PINK1: variants seen among roughly 807,000 people sequenced by gnomAD.
The protein encoded by PINK1 is serine/threonine-protein kinase PINK1, mitochondrial.
Under a neutral mutation model 56.0 loss-of-function variants are expected in PINK1, and 58 were observed. The observed-to-expected ratio is 1.04, with a 90% CI of 0.84 to 1.29. PINK1 has a LOEUF of 1.29. PINK1 is among the 50% of genes most tolerant of loss of function. The pLI is 0.00. For missense variants in PINK1, 745 were observed against 777.9 expected (o/e 0.96, Z 0.50); for synonymous variants, 354 against 339.3 (o/e 1.04, Z -0.48).
At chr1:20,644,839 T>G (rs2154533841) in intron 4 of PINK1, among the ~76,000 whole-genome samples, 167 bp downstream of exon 4, 1 of 152,374 alleles carries the variant, frequency 6.6e-6, no homozygotes, top group Non-Finnish European at 1.5e-5. Context: ...GAGAGCATTT[T>G]CCCTGTAGGA....
rs2053115069 is a variant in PINK1, at chr1:20,641,459, C to G, written c.776+1467C>G. Among the ~76,000 whole-genome samples the G allele has an allele frequency of 6.6e-6, 1 of 152,172 alleles. No individual in the cohort carries two copies. The highest frequency in any genetic ancestry group is 2.4e-5 in the African/African-American group (1 of 41,446). On this transcript the variant is annotated intron_variant, in intron 3 of 7. Coordinates refer to ENST00000321556, the MANE Select transcript of PINK1 (RefSeq NM_032409.3). The surrounding 1 kb of genome is among the most constrained non-coding windows in gnomAD (Gnocchi z 4.0). Reference sequence around the variant, plus strand: ...CTCTTCAGGGACTTTGTTCCTTTAGCAGTTCTCACTGTCTGGCCTCAAATA... The same window carrying G: ...CTCTTCAGGGACTTTGTTCCTTTAGGAGTTCTCACTGTCTGGCCTCAAATA...
chr1:20,645,243 C>G (rs1570404467), intron 4 of PINK1, among the ~76,000 whole-genome samples: 1 of 152,258 alleles, frequency 6.6e-6, no homozygotes, highest in Non-Finnish European at 1.5e-5. Flanking sequence ...AATCCCAGCA[C>G]TTTGGAAGGC....
chr1:20,645,517 C>T (rs900692291), intron 4 of PINK1, 43 bp from the exon 5 acceptor site: 51 of 1,569,570 alleles, frequency 3.2e-5, no homozygotes, highest in Non-Finnish European at 4.1e-5. Flanking sequence ...TATTGGGAGT[C>T]GTCGATGTGT....
intron 5 of PINK1, among the ~76,000 whole-genome samples, chr1:20,647,978 G>GT (rs989543924): frequency 6.6e-6 from 1 of 151,566 alleles, no homozygotes; most frequent in African/African-American, 2.4e-5. Context: ...TGCCTGGCTA[G>GT]TTTTTTTGTA....
chr1:20,635,190 CAATT>C (rs2053043679), intron 1 of PINK1, among the ~76,000 whole-genome samples: 1 of 152,178 alleles, frequency 6.6e-6, no homozygotes, highest in Non-Finnish European at 1.5e-5. Context: ...TATTAGTTAT[CAATT>C]AATTTCACAT....
rs747512076 is a variant in PINK1 at position 20,648,677 on chromosome 1, CAT to C, written c.1251+46_1251+47del. 5 of 1,609,164 alleles carry C rather than the reference CAT, an allele frequency of 3.1e-6. No homozygotes were observed. In the African/African-American group the frequency reaches 4.0e-5, roughly 13 times the overall value. On this transcript the variant is annotated intron_variant, in intron 6 of 7. Coordinates refer to ENST00000321556, the MANE Select transcript of PINK1 (RefSeq NM_032409.3). ...TGCGCCATCGGCAGCCCTTCCCCCA[CAT>C]GTCCACTGAATGCAGGAGACTCGAT...
chr1:20,650,533 T>C lies in PINK1; in HGVS notation c.1588T>C (p.Trp530Arg), dbSNP rs1169627314. Residue 530 changes from tryptophan to arginine, a missense_variant, in exon 8 of 8, where the codon TGG becomes CGG. By Grantham distance (101) the Trp-to-Arg change is moderately radical. Transcript: ENST00000321556. ...KNLKLDKMVGWLLQQSAATLL... is the reference protein window; with the variant it reads ...KNLKLDKMVGRLLQQSAATLL... ...TCTGAAGTTAGACAAGATGGTTGGC[T>C]GGCTCCTCCAACAATCGGCCGCCAC... 1 of 1,614,232 alleles carries C rather than the reference T, an allele frequency of 6.2e-7. No individual in the cohort carries two copies. The highest frequency in any genetic ancestry group is 1.7e-5 in the Admixed American group (1 of 60,024).
rs377527008 is a variant in PINK1, at chr1:20,649,246, G to A, written c.1488+15G>A. The A allele has an allele frequency of 4.3e-5, 69 of 1,611,380 alleles. No homozygotes were observed. Among genetic ancestry groups the A allele is most frequent in the Admixed American group, 1.5e-4 (9 of 60,002 alleles). ...AGGCCAGCAAGGTGAGGCTGTCCCC[G>A]GCTTCGAGGGGACGGTGTGGGTAGA... On this transcript the variant is annotated intron_variant, in intron 7 of 7. Coordinates refer to ENST00000321556, the MANE Select transcript of PINK1 (RefSeq NM_032409.3).
intron 5 of PINK1, chr1:20,648,287 G>T: frequency 1.6e-6 from 1 of 618,974 alleles, no homozygotes; most frequent in Non-Finnish European, 2.9e-6. Context: ...ACAGTCCTTT[G>T]CCTGGGGATT....
In PINK1 at chr1:20,650,709, G is replaced by A. The variant is rs369117599; in HGVS notation, c.*18G>A. ...CCCTGTGATGTCCCTGCATGGAGCT[G>A]GTGAATTACTAAAAGAACATGGCAT... On this transcript the variant is annotated 3_prime_UTR_variant, in exon 8 of 8. Transcript: ENST00000321556. The A allele has an allele frequency of 1.4e-4, 222 of 1,611,318 alleles. No individual in the cohort carries two copies. The highest frequency in any genetic ancestry group is 1.8e-4 in the Non-Finnish European group (208 of 1,179,782).
At chr1:20,646,875 C>CTTACTTAT (rs1553146669) in intron 5 of PINK1, among the ~76,000 whole-genome samples, 4 of 140,168 alleles carry the variant, frequency 2.9e-5, no homozygotes, top group East Asian at 2.0e-4. Flanking sequence ...TATTTATTTA[C>CTTACTTAT]TTATTTATTT....
Position 20,633,592 on chromosome 1 carries a change from G to A in PINK1, c.44G>A (p.Arg15Gln). 8.0e-7 allele frequency: 1 copy of A among 1,245,020 alleles called. No individual in the cohort carries two copies. The highest frequency in any genetic ancestry group is 1.0e-6 in the Non-Finnish European group (1 of 997,588). 77.1% of individuals were successfully genotyped at this position (1,245,020 alleles called of 1,614,324 possible). ...CTGGGCCGCGGCCTGCAGCTGGGTC[G>A]AGCGCTGCTGCTGCGCTTCACGGGC... is the stretch of plus-strand genomic sequence containing the variant. ...QALGRGLQLG[R>Q]ALLLRFTGKP... Residue 15 changes from arginine to glutamine, a missense_variant, in exon 1 of 8, where the codon CGA (arginine) becomes CAA (glutamine). Arg to Gln is a conservative substitution (Grantham distance 43, BLOSUM62 1). Coordinates refer to ENST00000321556, the MANE Select transcript of PINK1 (RefSeq NM_032409.3).
chr1:20,650,291 T>G (rs972469761), intron 7 of PINK1, 143 bp from the exon 8 acceptor site: 13 of 1,124,992 alleles, frequency 1.2e-5, no homozygotes, highest in Non-Finnish European at 1.6e-5. Flanking sequence ...ATTTGTCACC[T>G]GAGTGAAGGG....
rs114112086 is a variant in PINK1, at chr1:20,651,040, G to C, written c.*349G>C. 5.4e-3 allele frequency: 1,995 copies of C among 372,384 alleles called. 33 individuals carry two copies. The highest frequency in any genetic ancestry group is 0.037 in the African/African-American group (1,787 of 48,242). The allele number at this position is 372,384 out of a possible 1,614,324, so 23.1% of individuals were successfully genotyped here. A position where few individuals can be genotyped will look rare whatever the true frequency, so the allele number is the denominator to read the frequency against. On this transcript the variant is annotated 3_prime_UTR_variant, in exon 8 of 8. Transcript: ENST00000321556. Reference sequence around the variant, plus strand: ...CCTAACACGAGGAACTCGTTTGAAGGGGGCAGCGTAGCATGTCTGATTTGC... The same window carrying C: ...CCTAACACGAGGAACTCGTTTGAAGCGGGCAGCGTAGCATGTCTGATTTGC...
chr1:20,638,295 C>A, intron 2 of PINK1, 166 bp downstream of exon 2: 1 of 795,574 alleles, frequency 1.3e-6, no homozygotes, highest in Non-Finnish European at 2.0e-6. Flanking sequence ...AAGTCTAAAC[C>A]AGAATGTTTG....
rs1319066387 is a variant in PINK1 at position 20,644,686 on chromosome 1, G to C, written c.959+14G>C. 1 of 1,613,688 alleles carries C rather than the reference G, an allele frequency of 6.2e-7. No individual in the cohort carries two copies. Among genetic ancestry groups the C allele is most frequent in the Non-Finnish European group, 8.5e-7 (1 of 1,179,948 alleles). ...CGTTATGAAGAAGTAAGTGACAGCA[G>C]CGCGGCAGGGCCTGGAGCTGATACA... On this transcript the variant is annotated intron_variant, in intron 4 of 7. Transcript: ENST00000321556.
intron 7 of PINK1, chr1:20,649,629 G>A (rs748439610): frequency 2.1e-5 from 5 of 235,260 alleles, no homozygotes; most frequent in Middle Eastern, 1.7e-3. Context: ...GCTGAGTGTC[G>A]TGGCACACGC....
At position 20,650,616 on chromosome 1, in the gene PINK1, C is replaced by G. The variant is rs754383296; in HGVS notation, c.1671C>G (p.Leu557=). The G allele has an allele frequency of 6.2e-7, 1 of 1,614,110 alleles. No individual in the cohort carries two copies. The highest frequency in any genetic ancestry group is 1.3e-5 in the African/African-American group (1 of 74,944). The change falls in exon 8 of 8, where the codon CTC becomes CTG. Residue 557 remains leucine (L), a synonymous_variant. Coordinates refer to ENST00000321556, the MANE Select transcript of PINK1 (RefSeq NM_032409.3). The part of the protein sequence containing the change: ...KCCVETKMKM[L]FLANLECETL... ...GTGTGGAAACAAAAATGAAGATGCTCTTTCTGGCTAACCTGGAGTGTGAAA... is the reference window on the plus strand; with the variant it reads ...GTGTGGAAACAAAAATGAAGATGCTGTTTCTGGCTAACCTGGAGTGTGAAA...
intron 1 of PINK1, among the ~76,000 whole-genome samples, chr1:20,636,113 G>A (rs2053053765): frequency 6.6e-6 from 1 of 151,952 alleles, no homozygotes; most frequent in Non-Finnish European, 1.5e-5. Context: ...GCTGCAGTGA[G>A]CTGTAGTTGC....
Sources: gnomAD v4.1 joint callset for allele counts (sites outside exome capture counted in the v4.1 genomes callset) on GRCh38, gnomAD v4.1.1 for gene constraint, Gnocchi (gnomAD v3.1) non-coding constraint, MANE v1.5 for transcripts, NCBI Gene and HGNC (gene_info 2026-07-23, HGNC 2026-07-21) for gene names.